The following NAV2 variants were observed in gnomAD, a reference collection of about 807,000 sequenced individuals.
NAV2 encodes helicase, APC down-regulated 1.
Under a neutral mutation model 223.2 loss-of-function variants are expected in NAV2, and 54 were observed. The observed-to-expected ratio is 0.24, with a 90% confidence interval of 0.19 to 0.30. NAV2 has a LOEUF of 0.30. Among genes scored for constraint, NAV2 ranks in the 10% least tolerant of loss-of-function variants. NAV2 has a pLI of 1.00. For synonymous variants in NAV2, 1,279 were observed against 1,239.3 expected, an observed-to-expected ratio of 1.03 and a Z score of -0.67; for missense variants, 2,806 against 3,147.5, an observed-to-expected ratio of 0.89 and a Z score of 2.60.
At chr11:20,096,927 T>A (rs775952918) in intron 30 of NAV2, among the ~76,000 whole-genome samples, 1 of 152,172 alleles carries the variant, frequency 6.6e-6, no homozygotes, top group Non-Finnish European at 1.5e-5. Context: ...AAGAGACACA[T>A]TGGCATCATA....
Position 20,092,298 on chromosome 11 carries a change from C to G in NAV2, c.5745C>G (p.Ile1915Met). 1 of 1,614,156 alleles carries G rather than the reference C, an allele frequency of 6.2e-7. No individual in the cohort carries two copies. The highest frequency in any genetic ancestry group is 8.5e-7 in the Non-Finnish European group (1 of 1,179,996). The change falls in exon 28 of 38, where the codon ATC (isoleucine) becomes ATG (methionine). Residue 1915 changes from isoleucine to methionine, a missense_variant. Around this residue, in one of 4 missense-constraint regions of NAV2, gnomAD observed 824 missense variants for 1,069.4 expected, o/e 0.77. Transcript: ENST00000349880. ...GCSRAPSQVSISASPRQSMGL... is the reference protein window; with the variant it reads ...GCSRAPSQVSMSASPRQSMGL... ...GCCGGGCTCCTTCCCAAGTGTCCAT[C>G]TCTGCCTCCCCGAGGCAGTCCATGG... is the stretch of plus-strand genomic sequence containing the variant.
rs149432799 is a variant in NAV2 at position 19,946,427 on chromosome 11, C to T, written c.2173C>T (p.Arg725Trp). Reference protein sequence around the residue: ...TGEDPEARRLRTVKNIADLRQ... With the variant: ...TGEDPEARRLWTVKNIADLRQ... ...GGAAGATCCTGAGGCTCGGCGGCTG[C>T]GGACAGTGAAGAACATCGCTGATCT... is the stretch of plus-strand genomic sequence containing the variant. Residue 725 changes from arginine (R) to tryptophan (W), a missense_variant, in exon 9 of 38, where the codon CGG becomes TGG. This residue lies in a region of NAV2 where 1,167 missense variants were observed against 1,180.5 expected (regional missense o/e 0.99). Coordinates refer to ENST00000349880, the MANE Select transcript of NAV2 (RefSeq NM_145117.5). 9.9e-6 allele frequency: 16 copies of T among 1,612,672 alleles called. No individual in the cohort carries two copies. The highest frequency in any genetic ancestry group is 3.3e-5 in the South Asian group (3 of 90,718).
intron 8 of NAV2, among the ~76,000 whole-genome samples, chr11:19,944,646 T>C (rs146344593): frequency 3.6e-4 from 14 of 38,840 alleles, no homozygotes; most frequent in Middle Eastern, 0.019. Flanking sequence ...TTTTCTCTTT[T>C]CTTTCCTTTC....
At chr11:19,885,641 G>C (rs1209558771) in intron 5 of NAV2, among the ~76,000 whole-genome samples, 2 of 152,156 alleles carry the variant, frequency 1.3e-5, no homozygotes, top group African/African-American at 2.4e-5. Flanking sequence ...AAACAAATTT[G>C]CAAGTGCATC....
chr11:19,649,322 A>G lies in NAV2; in HGVS notation c.76-183162A>G, dbSNP rs539481035. ...AGCTCTAGGGGACTTTCATAATAAG[A>G]TTATTACTCCTGTGTTTCAAATGAC... On this transcript the variant is annotated intron_variant, in intron 1 of 37. Coordinates refer to the NAV2 transcript ENST00000360655. Among the ~76,000 whole-genome samples, 4 of 152,304 alleles carry G rather than the reference A, an allele frequency of 2.6e-5. No individual in the cohort carries two copies. The South Asian group carries it at 8.3e-4, about 32-fold the overall frequency.
chr11:19,938,759 C>T (rs558983245), intron 7 of NAV2, among the ~76,000 whole-genome samples: 12 of 152,092 alleles, frequency 7.9e-5, no homozygotes, highest in Admixed American at 1.3e-4. Context: ...GTAAAGATAA[C>T]AGAATTGAGA....
intron 22 of NAV2, among the ~76,000 whole-genome samples, chr11:20,076,808 T>A (rs7115968): frequency 0.33 from 50,170 of 151,950 alleles, 9,212 homozygotes; most frequent in African/African-American, 0.49. Flanking sequence ...ATTTTACTTA[T>A]AACTGGAAGC....
At chr11:19,615,548 AG>A (rs1354173425) in intron 1 of NAV2, among the ~76,000 whole-genome samples, 2 of 152,166 alleles carry the variant, frequency 1.3e-5, no homozygotes, top group African/African-American at 4.8e-5. Flanking sequence ...ATGCATTTTT[AG>A]TAACAATAAT....
intron 3 of NAV2, among the ~76,000 whole-genome samples, chr11:19,860,291 G>A (rs1399089648): frequency 2.0e-4 from 26 of 130,716 alleles, no homozygotes; most frequent in South Asian, 1.0e-3. Context: ...GCTGCCGGGC[G>A]GAGGGGCTCC....
chr11:19,750,834 C>T (rs996458477), intron 1 of NAV2, among the ~76,000 whole-genome samples: 8 of 152,158 alleles, frequency 5.3e-5, no homozygotes, highest in African/African-American at 1.7e-4. Context: ...CTTATTGAGT[C>T]GGCATTGCTG....
intron 6 of NAV2, among the ~76,000 whole-genome samples, chr11:19,901,460 T>G (rs1156896035): frequency 6.6e-6 from 1 of 152,156 alleles, no homozygotes; most frequent in African/African-American, 2.4e-5. Flanking sequence ...GGCAGGAGAA[T>G]CGCTTGAACC....
chr11:19,533,745 C>A (rs1386393173), intron 1 of NAV2, among the ~76,000 whole-genome samples: 1 of 120,904 alleles, frequency 8.3e-6, no homozygotes, highest in African/African-American at 5.0e-5. Context: ...CTCGCTCTGT[C>A]GCCCAGGCTG....
At chr11:20,086,009 A>G (rs1224598491) in intron 26 of NAV2, among the ~76,000 whole-genome samples, 1 of 152,180 alleles carries the variant, frequency 6.6e-6, no homozygotes, top group East Asian at 1.9e-4. Flanking sequence ...TAAATAACAC[A>G]AGGAGCCTGA....
At chr11:19,754,396 G>A (rs1286026827) in intron 1 of NAV2, among the ~76,000 whole-genome samples, 1 of 152,218 alleles carries the variant, frequency 6.6e-6, no homozygotes, top group African/African-American at 2.4e-5. Context: ...CTTCGTGCAG[G>A]AGGCAGCTGA....
rs946263385 is a variant in NAV2, at chr11:20,002,883, A to G, written c.2768+18636A>G. Among the ~76,000 whole-genome samples, 7 of 152,214 alleles carry G rather than the reference A, an allele frequency of 4.6e-5. 1 individual carries two copies. The highest frequency in any genetic ancestry group is 3.9e-4 in the Admixed American group (6 of 15,288). Reference sequence around the variant, plus strand: ...CAGACTCTGATAGGTTGAAGCAAATAGCTGACTTATTCATAGATGCCCTGG... The same window carrying G: ...CAGACTCTGATAGGTTGAAGCAAATGGCTGACTTATTCATAGATGCCCTGG... On this transcript the variant is annotated intron_variant, in intron 11 of 37. Transcript: ENST00000349880.
intron 1 of NAV2, among the ~76,000 whole-genome samples, chr11:19,354,968 T>C (rs1268760540): frequency 2.0e-5 from 3 of 152,248 alleles, no homozygotes; most frequent in Non-Finnish European, 2.9e-5. Context: ...TATGCATCCC[T>C]AACTCTTGTC....
intron 1 of NAV2, among the ~76,000 whole-genome samples, chr11:19,585,226 T>G (rs915798965): frequency 6.6e-6 from 1 of 152,218 alleles, no homozygotes; most frequent in African/African-American, 2.4e-5. Flanking sequence ...CTTTTCCATT[T>G]GCTTGGTAGA....
intron 1 of NAV2, among the ~76,000 whole-genome samples, chr11:19,716,471 G>C (rs577679704): frequency 6.6e-6 from 1 of 152,276 alleles, no homozygotes; most frequent in Admixed American, 6.5e-5. Flanking sequence ...AATAAAAGTA[G>C]CTATTTATAT....
At chr11:19,884,338 C>T in intron 5 of NAV2, 1 of 1,614,108 alleles carries the variant, frequency 6.2e-7, no homozygotes. Context: ...ATCCGCTTCA[C>T]TCTGGGTCAG....
Sources: allele counts gnomAD v4.1 joint callset (sites outside exome capture counted in the v4.1 genomes callset), GRCh38; gene constraint gnomAD v4.1.1; regional missense constraint gnomAD v4.1.1; transcripts MANE v1.5; gene names NCBI Gene and HGNC (gene_info 2026-07-23, HGNC 2026-07-21).